Variants in ZNF410 observed in about 807,000 individuals in gnomAD.
ZNF410 encodes the protein zinc finger protein 410.
ZNF410 carries 18 observed loss-of-function variants against 54.8 expected under a neutral mutation model. That is an observed-to-expected ratio of 0.33 (90% CI 0.23 to 0.49). The LOEUF (loss-of-function observed/expected upper bound fraction) is 0.49, where lower values mean the gene tolerates loss of function less well. ZNF410 is among the 20% of genes least tolerant of loss of function. The pLI, the probability that ZNF410 is intolerant of heterozygous loss-of-function variation, is 0.99. For synonymous variants in ZNF410, 191 were observed against 207.3 expected, an observed-to-expected ratio of 0.92 and a Z score of 0.68; for missense variants, 405 against 569.6, an observed-to-expected ratio of 0.71 and a Z score of 2.94.
chr14:73,896,055 A>G (rs2055312171), intron 3 of ZNF410: 1 of 455,972 alleles, frequency 2.2e-6, no homozygotes, highest in South Asian at 3.1e-5. Context: ...TGTGATGTCC[A>G]AATGTTGAAT....
intron 11 of ZNF410, chr14:73,927,992 C>A: frequency 5.8e-6 from 1 of 172,776 alleles, no homozygotes; most frequent in Non-Finnish European, 1.3e-5. Flanking sequence ...CGGCCACCAC[C>A]ACACCCAGCT....
chr14:73,895,118 C>T (rs990992634), intron 3 of ZNF410: 1 of 152,076 alleles, frequency 6.6e-6, no homozygotes, highest in Non-Finnish European at 1.5e-5. Context: ...CCACTGTACT[C>T]CATCCTGGGT....
intron 7 of ZNF410, among the ~76,000 whole-genome samples, chr14:73,908,335 A>G (rs189595528): frequency 1.7e-3 from 256 of 152,026 alleles, no homozygotes; most frequent in African/African-American, 5.6e-3. Flanking sequence ...TCAGTTCTTT[A>G]GTTCATCTTT....
chr14:73,899,426 T>C (rs1389540230), intron 5 of ZNF410, among the ~76,000 whole-genome samples: 1 of 152,118 alleles, frequency 6.6e-6, no homozygotes, highest in Non-Finnish European at 1.5e-5. Flanking sequence ...AACTGTTTGT[T>C]TTCAAAATAC....
chr14:73,920,943 C>G (rs2055746201), intron 8 of ZNF410, 37 bp from the exon 9 acceptor site: 1 of 1,612,318 alleles, frequency 6.2e-7, no homozygotes. Flanking sequence ...TCTTCCTGTC[C>G]TTTTGGCTTC....
chr14:73,926,950 A>G (rs2055842017), intron 11 of ZNF410, among the ~76,000 whole-genome samples: 1 of 152,224 alleles, frequency 6.6e-6, no homozygotes, highest in East Asian at 1.9e-4. Context: ...GCACATGACA[A>G]TCAGTTGATC....
chr14:73,891,913 C>T, intron 1 of ZNF410, 114 bp from the exon 2 acceptor site: 1 of 603,820 alleles, frequency 1.7e-6, no homozygotes, highest in Non-Finnish European at 2.9e-6. Flanking sequence ...GGTTTGAATT[C>T]TTTATTTGCT....
Position 73,904,996 on chromosome 14 carries a change from G to A in ZNF410, c.826G>A (p.Glu276Lys). ...GGTGCACATGAGGACCCACAATGGA[G>A]AGAAGCCCTTTATGTGCCATGAGTC... Reference protein sequence around the residue: ...LKVHMRTHNGEKPFMCHESGC... With the variant: ...LKVHMRTHNGKKPFMCHESGC... Residue 276 changes from glutamate (E) to lysine (K), a missense_variant, in exon 7 of 12, where the codon GAG becomes AAG. By Grantham distance (56) the Glu-to-Lys change is moderately conservative (BLOSUM62 1). Transcript: ENST00000555044. 1 of 1,614,196 alleles carries A rather than the reference G, an allele frequency of 6.2e-7. No homozygotes were observed. Among genetic ancestry groups the A allele is most frequent in the Non-Finnish European group, 8.5e-7 (1 of 1,180,040 alleles).
chr14:73,911,992 T>C (rs1020553262), intron 8 of ZNF410, among the ~76,000 whole-genome samples: 1 of 152,172 alleles, frequency 6.6e-6, no homozygotes, highest in Admixed American at 6.5e-5. Context: ...TAAATGTAAG[T>C]AAGCTCTAAA....
chr14:73,890,369 G>A (rs987890723), intron 1 of ZNF410, among the ~76,000 whole-genome samples: 2 of 151,530 alleles, frequency 1.3e-5, no homozygotes, highest in South Asian at 4.2e-4. Context: ...TGTATTTTTA[G>A]TAGAGACGGG....
rs139589496 is a variant in ZNF410, at chr14:73,919,362, T to C, written c.1004-1618T>C. Among the ~76,000 whole-genome samples, 422 of 152,198 alleles carry C rather than the reference T, an allele frequency of 2.8e-3. 2 individuals carry two copies. Among genetic ancestry groups the C allele is most frequent in the Middle Eastern group, 6.8e-3 (2 of 292 alleles). On this transcript the variant is annotated intron_variant, in intron 8 of 11. Coordinates refer to ENST00000555044, the MANE Select transcript of ZNF410 (RefSeq NM_021188.3). Reference sequence around the variant, plus strand: ...TTTGTTACAAGGGTATATTCCAAGATGCTGAAGTTTGGGCTACTAATGACC... The same window carrying C: ...TTTGTTACAAGGGTATATTCCAAGACGCTGAAGTTTGGGCTACTAATGACC...
At chr14:73,888,883 G>A (rs1293788282) in intron 1 of ZNF410, among the ~76,000 whole-genome samples, 4 of 152,016 alleles carry the variant, frequency 2.6e-5, no homozygotes, top group Admixed American at 1.3e-4. Flanking sequence ...TATTCATACC[G>A]TACACATACA....
intron 6 of ZNF410, 63 bp downstream of exon 6, chr14:73,904,173 G>A: frequency 1.3e-6 from 2 of 1,554,596 alleles, no homozygotes; most frequent in Non-Finnish European, 1.7e-6. Flanking sequence ...TCTTCCAGAG[G>A]AACTTGCCCC....
rs1242374337 is a variant in ZNF410 at position 73,932,160 on chromosome 14, G to A, written c.*619G>A. The A allele has an allele frequency of 8.2e-6, 3 of 366,064 alleles. No homozygotes were observed. Among genetic ancestry groups the A allele is most frequent in the Middle Eastern group, 7.1e-4 (1 of 1,414 alleles). 22.7% of individuals were successfully genotyped at this position (366,064 alleles called of 1,614,324 possible). On this transcript the variant is annotated 3_prime_UTR_variant, in exon 12 of 12. Transcript: ENST00000555044. ...TCTACTTGGTCACTTTGCTTTCTTCGTTAATGGAACATACAGTAGCATGTT... is the reference window on the plus strand; with the variant it reads ...TCTACTTGGTCACTTTGCTTTCTTCATTAATGGAACATACAGTAGCATGTT...
chr14:73,898,198 C>T lies in ZNF410; in HGVS notation c.516C>T (p.Ala172=). The T allele has an allele frequency of 6.2e-7, 1 of 1,614,072 alleles. No homozygotes were observed. ...IPWFLRVQEL[A]HDSLIAATRA... Reference sequence around the variant, plus strand: ...GGTTCCTCCGGGTTCAGGAGTTGGCCCATGACAGTTTGATTGCTGCTACTC... The same window carrying T: ...GGTTCCTCCGGGTTCAGGAGTTGGCTCATGACAGTTTGATTGCTGCTACTC... Residue 172 remains alanine (A), a synonymous_variant, in exon 5 of 12, where the codon GCC becomes GCT. Coordinates refer to ENST00000555044, the MANE Select transcript of ZNF410 (RefSeq NM_021188.3).
intron 8 of ZNF410, chr14:73,916,843 TG>T (rs1484018305): frequency 6.6e-6 from 1 of 150,796 alleles, no homozygotes; most frequent in Non-Finnish European, 1.5e-5. Flanking sequence ...TAGCTGGGTG[TG>T]GTGGCATACA....
intron 8 of ZNF410, 184 bp downstream of exon 8, chr14:73,909,614 G>T (rs1245060518): frequency 4.1e-6 from 2 of 482,380 alleles, no homozygotes; most frequent in East Asian, 3.3e-5. Flanking sequence ...GGTTGGGGGG[G>T]GGACATCTAA....
chr14:73,907,692 G>C (rs1447138590), intron 7 of ZNF410, among the ~76,000 whole-genome samples: 3 of 152,074 alleles, frequency 2.0e-5, no homozygotes, highest in Non-Finnish European at 4.4e-5. Flanking sequence ...AGGAGTTCCA[G>C]ACCAGCCTGA....
intron 6 of ZNF410, 52 bp downstream of exon 6, chr14:73,904,162 T>C (rs1566656670): frequency 6.4e-7 from 1 of 1,573,460 alleles, no homozygotes; most frequent in Admixed American, 1.8e-5. Context: ...CAAAAGTTGA[T>C]TCTTCCAGAG....
Sources: gnomAD v4.1 joint callset for allele counts (sites outside exome capture counted in the v4.1 genomes callset) on GRCh38, gnomAD v4.1.1 for gene constraint, MANE v1.5 for transcripts, NCBI Gene and HGNC (gene_info 2026-07-23, HGNC 2026-07-21) for gene names.